Variants in PRDM16 observed in about 807,000 individuals in gnomAD.
The protein encoded by PRDM16 is histone-lysine N-methyltransferase PRDM16.
Under a neutral mutation model 110.6 loss-of-function variants are expected in PRDM16, and 23 were observed. The observed-to-expected ratio is 0.21, with a 90% CI of 0.15 to 0.29. PRDM16 has a LOEUF of 0.29. Among genes scored for constraint, PRDM16 ranks in the 10% least tolerant of loss-of-function variants. The pLI is 1.00. For synonymous variants in PRDM16, 799 were observed against 781.8 expected, an observed-to-expected ratio of 1.02 and a Z score of -0.37; for missense variants, 1,615 against 1,794.3, an observed-to-expected ratio of 0.90 and a Z score of 1.81.
chr1:3,408,647 T>C lies in PRDM16; in HGVS notation c.1187-2737T>C, dbSNP rs561360625. Among the ~76,000 whole-genome samples the C allele has an allele frequency of 3.3e-5, 5 of 149,316 alleles. No individual in the cohort carries two copies. The East Asian group carries it at 1.0e-3, about 30-fold the overall frequency. ...GAGTGTGGGTGCGTGAGCTGGTGCC[T>C]GTGTTGGCATGTGTGAGAGTGTGTG... On this transcript the variant is annotated intron_variant, in intron 8 of 16. Coordinates refer to ENST00000270722, the MANE Select transcript of PRDM16 (RefSeq NM_022114.4).
intron 3 of PRDM16, among the ~76,000 whole-genome samples, chr1:3,312,003 G>T (rs2100417737): frequency 6.6e-6 from 1 of 152,344 alleles, no homozygotes; most frequent in South Asian, 2.1e-4. Context: ...CAAGAAAGCT[G>T]CTTGAGAAGG....
chr1:3,183,800 C>T lies in PRDM16; in HGVS notation c.38-2325C>T, dbSNP rs192409574. On this transcript the variant is annotated intron_variant, in intron 1 of 16. Coordinates refer to ENST00000270722, the MANE Select transcript of PRDM16 (RefSeq NM_022114.4). ...GCAACGGATATGCACTTGATGCGGA[C>T]GCTGCCCCACTTCGGGCTCCAGCGG... is the stretch of plus-strand genomic sequence containing the variant. 2.6e-3 allele frequency among the ~76,000 whole-genome samples: 402 copies of T among 152,346 alleles called. 3 individuals are homozygous for T. Among genetic ancestry groups the T allele is most frequent in the African/African-American group, 9.3e-3 (388 of 41,576 alleles).
chr1:3,421,272 AC>A (rs915510551), intron 12 of PRDM16, among the ~76,000 whole-genome samples: 52 of 151,050 alleles, frequency 3.4e-4, no homozygotes, highest in African/African-American at 1.2e-3. Flanking sequence ...GGCCCTGGCC[AC>A]CCCCCCTGAC....
rs1642881861 is a variant in PRDM16, at chr1:3,370,052, G to C, written c.439-15100G>C. Among the ~76,000 whole-genome samples the C allele has an allele frequency of 6.6e-6, 1 of 152,154 alleles. No homozygotes were observed. The highest frequency in any genetic ancestry group is 2.4e-5 in the African/African-American group (1 of 41,432). ...GCTCGGAGAGACTGAGTCAGCTGCA[G>C]GGAAGGCACTAAATATAACTGGGCT... On this transcript the variant is annotated intron_variant, in intron 3 of 16. Transcript: ENST00000270722. The surrounding 1 kb of genome is among the most constrained non-coding windows in gnomAD (Gnocchi z 4.8).
At chr1:3,322,689 C>G (rs1390714317) in intron 3 of PRDM16, among the ~76,000 whole-genome samples, 2 of 152,220 alleles carry the variant, frequency 1.3e-5, no homozygotes, top group Non-Finnish European at 2.9e-5. Flanking sequence ...TGCTTCTCCC[C>G]CAGATGGCCA....
intron 5 of PRDM16, among the ~76,000 whole-genome samples, chr1:3,398,081 T>G (rs534463016): frequency 6.6e-6 from 1 of 152,206 alleles, no homozygotes; most frequent in Middle Eastern, 3.4e-3. Context: ...AGGGCCTCAT[T>G]TTCCTTAAAA....
intron 3 of PRDM16, among the ~76,000 whole-genome samples, chr1:3,338,905 T>C (rs915547245): frequency 3.3e-5 from 5 of 152,202 alleles, no homozygotes; most frequent in South Asian, 2.1e-4. Context: ...CTGATGGCAG[T>C]GGACCATTTC....
intron 3 of PRDM16, among the ~76,000 whole-genome samples, chr1:3,377,010 A>G (rs912379570): frequency 6.6e-6 from 1 of 152,184 alleles, no homozygotes; most frequent in Admixed American, 6.5e-5. Context: ...ACCTCCTTCC[A>G]TCACAAGAAT....
chr1:3,228,186 G>C (rs565582119), intron 2 of PRDM16, among the ~76,000 whole-genome samples: 2 of 152,232 alleles, frequency 1.3e-5, no homozygotes, highest in Admixed American at 6.5e-5. Context: ...CGGGACTGAA[G>C]CCTGGAAAAG....
intron 2 of PRDM16, among the ~76,000 whole-genome samples, chr1:3,227,115 G>A (rs969381100): frequency 6.6e-6 from 1 of 152,204 alleles, no homozygotes; most frequent in East Asian, 1.9e-4. Flanking sequence ...CCAGCTCTTC[G>A]GGCGTCTGTT....
rs950982228 is a variant in PRDM16, at chr1:3,272,625, C to T, written c.438+28488C>T. 3.9e-5 allele frequency among the ~76,000 whole-genome samples: 6 copies of T among 152,332 alleles called. No homozygotes were observed. In the South Asian group the frequency reaches 6.2e-4, roughly 16 times the overall value. ...ACCCCAGCTCCCGTGTGCAGGTCCCCGGGTAACCTGTGTGTTGGCTGCATC... is the reference window on the plus strand; with the variant it reads ...ACCCCAGCTCCCGTGTGCAGGTCCCTGGGTAACCTGTGTGTTGGCTGCATC... On this transcript the variant is annotated intron_variant, in intron 3 of 16. Coordinates refer to ENST00000270722, the MANE Select transcript of PRDM16 (RefSeq NM_022114.4).
At chr1:3,279,275 G>A (rs1292784082) in intron 3 of PRDM16, among the ~76,000 whole-genome samples, 2 of 152,210 alleles carry the variant, frequency 1.3e-5, no homozygotes, top group Non-Finnish European at 2.9e-5. Flanking sequence ...GGCATCCCTG[G>A]GTCCGGCACA....
chr1:3,390,388 G>A lies in PRDM16; in HGVS notation c.573+5102G>A, dbSNP rs906304017. Among the ~76,000 whole-genome samples, 7 of 152,250 alleles carry A rather than the reference G, an allele frequency of 4.6e-5. No individual in the cohort carries two copies. The highest frequency in any genetic ancestry group is 9.6e-5 in the African/African-American group (4 of 41,560). ...CGGAACGGCTGTAGGGCTCTCAAAC[G>A]ACCTGTAGCACCCCTGGATTGAGAG... On this transcript the variant is annotated intron_variant, in intron 4 of 16. Coordinates refer to ENST00000270722, the MANE Select transcript of PRDM16 (RefSeq NM_022114.4). This position sits in a 1 kb window ranked among gnomAD's most constrained non-coding sequence, Gnocchi z 5.0.
intron 2 of PRDM16, among the ~76,000 whole-genome samples, chr1:3,211,290 G>T (rs564476977): frequency 6.2e-4 from 94 of 152,300 alleles, no homozygotes; most frequent in African/African-American, 2.1e-3. Flanking sequence ...AGCCAATGCC[G>T]ATTTTCTTTT....
At chr1:3,164,179 T>C in intron 1 of PRDM16, among the ~76,000 whole-genome samples, 1 of 152,246 alleles carries the variant, frequency 6.6e-6, no homozygotes, top group South Asian at 2.1e-4. Context: ...GCGGCTTAAG[T>C]ATAAAGCGTG....
At chr1:3,099,768 G>A (rs575006554) in intron 1 of PRDM16, among the ~76,000 whole-genome samples, 10 of 152,334 alleles carry the variant, frequency 6.6e-5, no homozygotes, top group Admixed American at 5.9e-4. Context: ...ATCAGAGACC[G>A]TTTAAGAGAA....
At chr1:3,313,476 G>T (rs1217895551) in intron 3 of PRDM16, among the ~76,000 whole-genome samples, 1 of 152,182 alleles carries the variant, frequency 6.6e-6, no homozygotes, top group Non-Finnish European at 1.5e-5. Context: ...AGGCTCTGCC[G>T]TCCCCACCCC....
chr1:3,146,222 CG>C (rs554657862), intron 1 of PRDM16, among the ~76,000 whole-genome samples: 13 of 152,264 alleles, frequency 8.5e-5, no homozygotes, highest in African/African-American at 3.1e-4. Context: ...AGGGTGGAAA[CG>C]GGGGGGCCCG....
At chr1:3,377,056 A>G (rs1044014270) in intron 3 of PRDM16, among the ~76,000 whole-genome samples, 14 of 152,206 alleles carry the variant, frequency 9.2e-5, no homozygotes, top group African/African-American at 2.9e-4. Flanking sequence ...GACACCATCA[A>G]TTGTGACCAT....
Sources: allele counts gnomAD v4.1 joint callset (sites outside exome capture counted in the v4.1 genomes callset), GRCh38; gene constraint gnomAD v4.1.1; non-coding constraint Gnocchi (gnomAD v3.1); transcripts MANE v1.5; gene names NCBI Gene and HGNC (gene_info 2026-07-23, HGNC 2026-07-21).